Variants in KDSR observed in about 807,000 individuals in gnomAD.
KDSR encodes the protein 3-ketodihydrosphingosine reductase.
KDSR carries 23 observed loss-of-function variants against 41.3 expected under a neutral mutation model. The observed-to-expected ratio is 0.56, with a 90% CI of 0.40 to 0.79. The LOEUF (loss-of-function observed/expected upper bound fraction) is 0.79, where lower values mean the gene tolerates loss of function less well. KDSR is among the 30% of genes least tolerant of loss of function. KDSR has a pLI of 0.00. For synonymous variants in KDSR, 138 were observed against 151.7 expected, an observed-to-expected ratio of 0.91 and a Z score of 0.66; for missense variants, 351 against 416.8, an observed-to-expected ratio of 0.84 and a Z score of 1.37.
At position 63,327,961 on chromosome 18, in the gene KDSR, T is replaced by C. The variant is rs1020531495; in HGVS notation, c.*3821A>G. 9.8e-6 allele frequency: 2 copies of C among 203,188 alleles called. No individual in the cohort carries two copies. Among genetic ancestry groups the C allele is most frequent in the African/African-American group, 2.3e-5 (1 of 43,576 alleles). The allele number at this position is 203,188 out of a possible 1,614,324, so 12.6% of individuals were successfully genotyped here. On this transcript the variant is annotated 3_prime_UTR_variant, in exon 10 of 10. Transcript: ENST00000645214. ...CCCCTTCAAAATTGCAAATCCACAGTTACTGCACTGAAGTATAATCCGAAG... is the reference window on the plus strand; with the variant it reads ...CCCCTTCAAAATTGCAAATCCACAGCTACTGCACTGAAGTATAATCCGAAG...
chr18:63,348,490 C>A (rs1300255682), intron 6 of KDSR, among the ~76,000 whole-genome samples: 3 of 152,154 alleles, frequency 2.0e-5, no homozygotes, highest in Non-Finnish European at 2.9e-5. Flanking sequence ...GAACAAACTA[C>A]ATTTTGATGA....
chr18:63,351,937 C>A (rs1395759817), intron 5 of KDSR, among the ~76,000 whole-genome samples: 1 of 152,112 alleles, frequency 6.6e-6, no homozygotes, highest in African/African-American at 2.4e-5. Flanking sequence ...GCACATGCCA[C>A]CACGTCCAGC....
Position 63,328,140 on chromosome 18 carries a change from T to C in KDSR, c.*3642A>G, listed in dbSNP as rs1004282321. 2 of 185,948 alleles carry C rather than the reference T, an allele frequency of 1.1e-5. No individual in the cohort carries two copies. Among genetic ancestry groups the C allele is most frequent in the Non-Finnish European group, 2.3e-5 (2 of 88,036 alleles). 11.5% of individuals were successfully genotyped at this position (185,948 alleles called of 1,614,324 possible). ...TGGCCTCAAGTGAGTAATACATGTT[T>C]AAATTAGAACCTGATGTAATTAAAT... On this transcript the variant is annotated 3_prime_UTR_variant, in exon 10 of 10. Coordinates refer to ENST00000645214, the MANE Select transcript of KDSR (RefSeq NM_002035.4).
chr18:63,337,412 A>G (rs1464827062), intron 8 of KDSR, among the ~76,000 whole-genome samples: 1 of 152,098 alleles, frequency 6.6e-6, no homozygotes, highest in Non-Finnish European at 1.5e-5. Flanking sequence ...CACTGTGCCC[A>G]GCCATTTTTG....
At position 63,328,189 on chromosome 18, in the gene KDSR, T is replaced by C. The variant is rs140788289; in HGVS notation, c.*3593A>G. The C allele has an allele frequency of 5.5e-6, 1 of 183,222 alleles. No individual in the cohort carries two copies. Among genetic ancestry groups the C allele is most frequent in the African/African-American group, 2.4e-5 (1 of 42,516 alleles). The allele number at this position is 183,222 out of a possible 1,614,324, so 11.3% of individuals were successfully genotyped here. A position where few individuals can be genotyped will look rare whatever the true frequency, so the allele number is the denominator to read the frequency against. ...ATGTTTATGTAATTTAGCAAAAATA[T>C]ATATATAATTGCTTTCTTCTAGAAA... On this transcript the variant is annotated 3_prime_UTR_variant, in exon 10 of 10. Coordinates refer to ENST00000645214, the MANE Select transcript of KDSR (RefSeq NM_002035.4).
At chr18:63,354,224 C>T (rs1014529340) in intron 5 of KDSR, among the ~76,000 whole-genome samples, 2 of 152,118 alleles carry the variant, frequency 1.3e-5, no homozygotes, top group African/African-American at 4.8e-5. Context: ...GGCTGGAGGA[C>T]ACTCCGCTTG....
intron 1 of KDSR, among the ~76,000 whole-genome samples, chr18:63,364,250 C>T (rs1915072044): frequency 6.6e-6 from 1 of 151,906 alleles, no homozygotes; most frequent in South Asian, 2.1e-4. Flanking sequence ...TTCTTTATGA[C>T]ATGCACATAA....
intron 2 of KDSR, among the ~76,000 whole-genome samples, chr18:63,361,509 T>C (rs1162193672): frequency 6.6e-6 from 1 of 152,022 alleles, no homozygotes; most frequent in East Asian, 1.9e-4. Context: ...TCTTTCTTGG[T>C]TTGCAAAAGA....
At chr18:63,366,715 T>G in intron 1 of KDSR, 1 of 328,148 alleles carries the variant, frequency 3.0e-6, no homozygotes. Context: ...GTTGCATGGA[T>G]TCACGAGCAG....
chr18:63,366,669 G>C, intron 1 of KDSR: 1 of 222,194 alleles, frequency 4.5e-6, no homozygotes, highest in Non-Finnish European at 8.8e-6. Context: ...TGACTCATCG[G>C]AAAAACTGAG....
chr18:63,328,957 A>G lies in KDSR; in HGVS notation c.*2825T>C, dbSNP rs1332506068. ...GAATGATAATTAAACGTTTACTACC[A>G]TAGGTAATATTTACGCACTTCTGGG... On this transcript the variant is annotated 3_prime_UTR_variant, in exon 10 of 10. Coordinates refer to ENST00000645214, the MANE Select transcript of KDSR (RefSeq NM_002035.4). 1.0e-5 allele frequency: 2 copies of G among 194,208 alleles called. No homozygotes were observed. Among genetic ancestry groups the G allele is most frequent in the African/African-American group, 4.6e-5 (2 of 43,094 alleles). The allele number at this position is 194,208 out of a possible 1,614,324, so 12.0% of individuals were successfully genotyped here.
chr18:63,343,364 ATTTTTATT>A (rs1026110124), intron 7 of KDSR, among the ~76,000 whole-genome samples: 4 of 148,854 alleles, frequency 2.7e-5, no homozygotes, highest in African/African-American at 9.9e-5. Context: ...CTGGCCTTAA[ATTTTTATT>A]TTTTTATTTT....
chr18:63,361,238 G>A (rs4940586), intron 2 of KDSR, among the ~76,000 whole-genome samples: 46,392 of 76,914 alleles, frequency 0.6, 12,468 homozygotes, highest in South Asian at 0.67. Flanking sequence ...AAAAAAAAAA[G>A]AATGAATTAC....
At chr18:63,333,275 A>G (rs1302292739) in intron 9 of KDSR, among the ~76,000 whole-genome samples, 1 of 152,130 alleles carries the variant, frequency 6.6e-6, no homozygotes, top group Non-Finnish European at 1.5e-5. Context: ...TTGTAGAGAC[A>G]GGGTCTCACT....
intron 9 of KDSR, among the ~76,000 whole-genome samples, chr18:63,333,148 G>C (rs1914061713): frequency 1.3e-5 from 2 of 152,242 alleles, no homozygotes; most frequent in South Asian, 4.2e-4. Flanking sequence ...CTGGAGTGCA[G>C]GAGTATGATC....
chr18:63,340,518 G>A (rs1568277047), intron 7 of KDSR, among the ~76,000 whole-genome samples: 1 of 152,216 alleles, frequency 6.6e-6, no homozygotes, highest in East Asian at 1.9e-4. Flanking sequence ...GTTCAAGGTG[G>A]TAAGTTCTGA....
At chr18:63,343,197 G>A (rs1914394968) in intron 7 of KDSR, among the ~76,000 whole-genome samples, 1 of 151,950 alleles carries the variant, frequency 6.6e-6, no homozygotes, top group Admixed American at 6.6e-5. Flanking sequence ...TTCCACCTTA[G>A]CCTCCTGAGT....
At position 63,337,604 on chromosome 18, in the gene KDSR, T is replaced by C. The variant is rs146477908; in HGVS notation, c.777+1196A>G. On this transcript the variant is annotated intron_variant, in intron 8 of 9. Coordinates refer to ENST00000645214, the MANE Select transcript of KDSR (RefSeq NM_002035.4). The stretch of plus-strand genomic sequence containing the variant: ...CTAAACTAAATGAATACTGCCAAAA[T>C]ACTAAGAGCTATTTAGCATCATTAG... Among the ~76,000 whole-genome samples, 421 of 152,250 alleles carry C rather than the reference T, an allele frequency of 2.8e-3. 1 individual carries two copies. The highest frequency in any genetic ancestry group is 9.6e-3 in the African/African-American group (399 of 41,560).
Position 63,330,776 on chromosome 18 carries a change from T to G in KDSR, c.*1006A>C, listed in dbSNP as rs1913954510. On this transcript the variant is annotated 3_prime_UTR_variant, in exon 10 of 10. Coordinates refer to ENST00000645214, the MANE Select transcript of KDSR (RefSeq NM_002035.4). The stretch of plus-strand genomic sequence containing the variant: ...TTAATTCATGAGTTAAGTTAAAAAG[T>G]CAAGTCGAAAATTTTAGCTGGTCTT... 1 of 229,352 alleles carries G rather than the reference T, an allele frequency of 4.4e-6. No individual in the cohort carries two copies. The highest frequency in any genetic ancestry group is 8.6e-6 in the Non-Finnish European group (1 of 116,018). 14.2% of individuals were successfully genotyped at this position (229,352 alleles called of 1,614,324 possible).
Sources: gnomAD v4.1 joint callset for allele counts (sites outside exome capture counted in the v4.1 genomes callset) on GRCh38, gnomAD v4.1.1 for gene constraint, MANE v1.5 for transcripts, NCBI Gene and HGNC (gene_info 2026-07-23, HGNC 2026-07-21) for gene names.